The following CRLF3 variants were observed in gnomAD, a reference collection of about 807,000 sequenced individuals.
CRLF3 encodes cytokine receptor-like factor 3.
In CRLF3, 33 loss-of-function variants were observed where a neutral mutation model predicts 55.0. The ratio of observed to expected loss-of-function variants is 0.60; its 90% CI spans 0.46 to 0.80. The LOEUF (loss-of-function observed/expected upper bound fraction) is 0.80, where lower values mean the gene tolerates loss of function less well. CRLF3 is among the 30% of genes least tolerant of loss of function. The pLI is 0.00. For missense variants in CRLF3, 494 were observed against 538.4 expected (o/e 0.92, Z 0.82); for synonymous variants, 238 against 196.8 (o/e 1.21, Z -1.75).
intron 1 of CRLF3, among the ~76,000 whole-genome samples, chr17:30,816,216 A>G (rs1002894473): frequency 2.0e-5 from 3 of 149,350 alleles, no homozygotes; most frequent in Admixed American, 1.3e-4. Flanking sequence ...CGGAAAGCAG[A>G]GGTTGCAGTG....
intron 1 of CRLF3, among the ~76,000 whole-genome samples, chr17:30,818,773 C>G (rs1904890628): frequency 6.7e-6 from 1 of 148,710 alleles, no homozygotes; most frequent in African/African-American, 2.5e-5. Context: ...CTTTTCTTTG[C>G]TAAGCTACTG....
chr17:30,797,781 T>TG (rs60405102), intron 2 of CRLF3, among the ~76,000 whole-genome samples: 18,934 of 150,146 alleles, frequency 0.13, 1,262 homozygotes, highest in South Asian at 0.25. Context: ...GGGTGTTTTT[T>TG]TTTTTTTTTT....
intron 1 of CRLF3, among the ~76,000 whole-genome samples, chr17:30,819,641 C>A (rs532321685): frequency 2.0e-5 from 3 of 152,124 alleles, no homozygotes. Flanking sequence ...CCACACCTGG[C>A]TAATTTGTAT....
chr17:30,812,811 A>G (rs1166094557), intron 1 of CRLF3, among the ~76,000 whole-genome samples: 1 of 152,140 alleles, frequency 6.6e-6, no homozygotes, highest in African/African-American at 2.4e-5. Context: ...GGCCACCATG[A>G]AAGAAGTATG....
At chr17:30,785,479 C>G (rs1971620961) in intron 7 of CRLF3, among the ~76,000 whole-genome samples, 1 of 150,766 alleles carries the variant, frequency 6.6e-6, no homozygotes, top group African/African-American at 2.4e-5. Flanking sequence ...TAAATTATGT[C>G]ATTAAGACCA....
chr17:30,818,654 G>A (rs930418517), intron 1 of CRLF3, among the ~76,000 whole-genome samples: 41 of 151,292 alleles, frequency 2.7e-4, no homozygotes, highest in African/African-American at 8.7e-4. Flanking sequence ...GGTTTTCATC[G>A]TATGGGTCAG....
intron 6 of CRLF3, among the ~76,000 whole-genome samples, chr17:30,788,345 A>G (rs1168304523): frequency 4.0e-5 from 6 of 149,258 alleles, no homozygotes; most frequent in African/African-American, 7.4e-5. Context: ...AAAAGAAAAG[A>G]AAAGAAAAGA....
chr17:30,820,737 A>G (rs1357183379), intron 1 of CRLF3, among the ~76,000 whole-genome samples: 1 of 150,128 alleles, frequency 6.7e-6, no homozygotes, highest in Non-Finnish European at 1.5e-5. Flanking sequence ...GGTTGCAGTG[A>G]GCCTAAGGTT....
At position 30,784,416 on chromosome 17, in the gene CRLF3, A is replaced by G. The variant is rs1567655587; in HGVS notation, c.1100T>C (p.Met367Thr). ...NGAVFVNGKE[M>T]TNQLPAVTSG... ...AGTAACTGCGGGTAACTGATTTGTC[A>G]TTTCTTTTCCATTGACAAAAACTGC... The change falls in exon 8 of 8, where the codon ATG (methionine) becomes ACG (threonine). Residue 367 changes from methionine (M) to threonine (T), a missense_variant. Met to Thr is a moderately conservative substitution (Grantham distance 81). Transcript: ENST00000324238. 1.2e-6 allele frequency: 2 copies of G among 1,613,244 alleles called. No individual in the cohort carries two copies. Among genetic ancestry groups the G allele is most frequent in the African/African-American group, 1.3e-5 (1 of 75,036 alleles).
At chr17:30,817,702 T>A (rs1201226077) in intron 1 of CRLF3, among the ~76,000 whole-genome samples, 1 of 147,560 alleles carries the variant, frequency 6.8e-6, no homozygotes, top group African/African-American at 2.5e-5. Flanking sequence ...GGTCAACAGA[T>A]GGAGACCATC....
chr17:30,793,251 C>G (rs1971851958), intron 5 of CRLF3, among the ~76,000 whole-genome samples, 199 bp downstream of exon 5: 1 of 138,234 alleles, frequency 7.2e-6, no homozygotes. Flanking sequence ...TCTTGTCCAG[C>G]ATTTTTTTTG....
chr17:30,789,379 A>C (rs899426246), intron 6 of CRLF3, among the ~76,000 whole-genome samples: 3 of 152,242 alleles, frequency 2.0e-5, no homozygotes, highest in African/African-American at 7.2e-5. Flanking sequence ...GCAATCTATC[A>C]GACATTACCA....
At chr17:30,819,936 C>T (rs1374064159) in intron 1 of CRLF3, among the ~76,000 whole-genome samples, 2 of 152,084 alleles carry the variant, frequency 1.3e-5, no homozygotes, top group Admixed American at 6.5e-5. Flanking sequence ...TTTCTCAGCC[C>T]TACAGTAGGC....
At chr17:30,810,471 A>G (rs1198589693) in intron 1 of CRLF3, among the ~76,000 whole-genome samples, 1 of 152,176 alleles carries the variant, frequency 6.6e-6, no homozygotes, top group African/African-American at 2.4e-5. Context: ...CTGAGGCAGG[A>G]GAATCACTTG....
rs780795724 is a variant in CRLF3, at chr17:30,784,620, T to G, written c.1073-177A>C. Reference sequence around the variant, plus strand: ...AGGGTTGTACTCTTCCAGCAGAGACTATGAGTTTCCCATATCAGTGTCATC... The same window carrying G: ...AGGGTTGTACTCTTCCAGCAGAGACGATGAGTTTCCCATATCAGTGTCATC... On this transcript the variant is annotated intron_variant, in intron 7 of 7. Transcript: ENST00000324238. The G allele has an allele frequency of 8.8e-6, 5 of 565,382 alleles. No homozygotes were observed. The South Asian group carries it at 1.2e-4, about 14-fold the overall frequency. 35.0% of individuals were successfully genotyped at this position (565,382 alleles called of 1,614,324 possible).
At chr17:30,788,902 G>A (rs116896349) in intron 6 of CRLF3, among the ~76,000 whole-genome samples, 1,852 of 152,052 alleles carry the variant, frequency 0.012, 19 homozygotes, top group Non-Finnish European at 0.02. Context: ...CACCGTGCCC[G>A]GCTAACGTAG....
At position 30,784,069 on chromosome 17, in the gene CRLF3, AC is replaced by A; in HGVS notation, c.*117del. On this transcript the variant is annotated 3_prime_UTR_variant, in exon 8 of 8. Transcript: ENST00000324238. The stretch of plus-strand genomic sequence containing the variant: ...ATATTACAAAATGAATCCAGTAAAC[AC>A]TTTCCAATGGCCTAAGTTAGAGATG... 1 of 866,200 alleles carries A rather than the reference AC, an allele frequency of 1.2e-6. No homozygotes were observed. Among genetic ancestry groups the A allele is most frequent in the South Asian group, 1.9e-5 (1 of 53,692 alleles). 53.7% of individuals were successfully genotyped at this position (866,200 alleles called of 1,614,324 possible). A position where few individuals can be genotyped will look rare whatever the true frequency, so the allele number is the denominator to read the frequency against.
At chr17:30,796,849 G>A (rs909135762) in intron 3 of CRLF3, among the ~76,000 whole-genome samples, 2 of 151,166 alleles carry the variant, frequency 1.3e-5, no homozygotes, top group African/African-American at 2.4e-5. Context: ...TCAGCCTCTC[G>A]AGTAGCTGGG....
At chr17:30,803,803 C>T (rs1227180846) in intron 2 of CRLF3, 98 bp downstream of exon 2, 10 of 924,302 alleles carry the variant, frequency 1.1e-5, no homozygotes, top group African/African-American at 3.3e-5. Flanking sequence ...GTTCATTAAA[C>T]CTCTTTCTTT....
Sources: gnomAD v4.1 joint callset for allele counts (sites outside exome capture counted in the v4.1 genomes callset) on GRCh38, gnomAD v4.1.1 for gene constraint, MANE v1.5 for transcripts, NCBI Gene and HGNC (gene_info 2026-07-23, HGNC 2026-07-21) for gene names.